Variants in MTUS1 observed in about 807,000 individuals in gnomAD.
MTUS1 encodes the protein microtubule associated scaffold protein 1.
MTUS1 carries 109 observed loss-of-function variants against 120.8 expected under a neutral mutation model. The observed-to-expected ratio is 0.90, with a 90% CI of 0.77 to 1.06. MTUS1 has a LOEUF of 1.06. MTUS1 is among the 50% of genes least tolerant of loss of function. The pLI, the probability that MTUS1 is intolerant of heterozygous loss-of-function variation, is 0.00. For synonymous variants in MTUS1, 737 were observed against 550.5 expected (o/e 1.34, Z -4.74); for missense variants, 2,210 against 1,486.3 (o/e 1.49, Z -8.01).
At chr8:17,722,694 AT>A in intron 4 of MTUS1, 1 of 317,016 alleles carries the variant, frequency 3.2e-6, no homozygotes, top group Non-Finnish European at 4.6e-6. Context: ...CTGCTGTGTG[AT>A]TTTAGACCAG....
At chr8:17,649,753 G>A (rs1695898320) in intron 13 of MTUS1, 93 bp downstream of exon 13, 2 of 726,374 alleles carry the variant, frequency 2.8e-6, no homozygotes, top group African/African-American at 3.5e-5. Context: ...TTTAGGAGCA[G>A]TTAACCCAAC....
rs778942625 is a variant in MTUS1, at chr8:17,755,463, T to C, written c.345A>G (p.Lys115=). ...CPALVGTEKP[K]YLQHSCHSLE... ...GGGAATGACAACTGTGTTGCAGATATTTGGGCTTCTCAGTACCTACAAGTG... is the reference window on the plus strand; with the variant it reads ...GGGAATGACAACTGTGTTGCAGATACTTGGGCTTCTCAGTACCTACAAGTG... Residue 115 remains lysine, a synonymous_variant, in exon 2 of 15, where the codon AAA becomes AAG. Transcript: ENST00000693296. 6 of 1,614,170 alleles carry C rather than the reference T, an allele frequency of 3.7e-6. No individual in the cohort carries two copies. The highest frequency in any genetic ancestry group is 4.2e-6 in the Non-Finnish European group (5 of 1,180,000).
rs150374461 is a variant in MTUS1 at position 17,655,877 on chromosome 8, G to C, written c.3094C>G (p.Gln1032Glu). The change falls in exon 9 of 15, where the codon CAA becomes GAA. Residue 1032 changes from glutamine (Q) to glutamate (E), a missense_variant. Gln to Glu is a conservative substitution (Grantham distance 29). Transcript: ENST00000693296. ...AAAGCACAGACCTGCTCTTGCAATTGCATTTTGTACTTCTCTGCTTCTTCA... is the reference window on the plus strand; with the variant it reads ...AAAGCACAGACCTGCTCTTGCAATTCCATTTTGTACTTCTCTGCTTCTTCA... Reference protein sequence around the residue: ...YIEEAEKYKMQLQEQFDNLNA... With the variant: ...YIEEAEKYKMELQEQFDNLNA... The C allele has an allele frequency of 1.7e-4, 281 of 1,614,180 alleles. 1 individual carries two copies. The African/African-American group carries it at 3.2e-3, about 18-fold the overall frequency.
intron 1 of MTUS1, among the ~76,000 whole-genome samples, chr8:17,765,411 C>A (rs948821717): frequency 6.6e-6 from 1 of 152,040 alleles, no homozygotes; most frequent in East Asian, 1.9e-4. Context: ...GGCAGATAAC[C>A]TGAGGTCAGG....
In MTUS1 at chr8:17,676,439, A is replaced by C. The variant is rs142938866; in HGVS notation, c.2839-1187T>G. ...TGTCTACATTCAAAGCTCTAGCAGG[A>C]GGCGCGCCATTGGCCCTCGGGCGTC... On this transcript the variant is annotated intron_variant, in intron 7 of 14. Coordinates refer to ENST00000693296, the MANE Select transcript of MTUS1 (RefSeq NM_001363059.2). 1.7e-4 allele frequency: 115 copies of C among 662,546 alleles called. No homozygotes were observed. In the African/African-American group the frequency reaches 1.9e-3, roughly 11 times the overall value. 41.0% of individuals were successfully genotyped at this position (662,546 alleles called of 1,614,324 possible).
intron 7 of MTUS1, chr8:17,676,045 T>TA: frequency 1.8e-6 from 1 of 559,924 alleles, no homozygotes; most frequent in Non-Finnish European, 3.2e-6. Context: ...CACCAGGGAG[T>TA]AACTAAAAAA....
chr8:17,685,421 T>C (rs558064170), intron 6 of MTUS1, among the ~76,000 whole-genome samples: 21 of 146,998 alleles, frequency 1.4e-4, no homozygotes, highest in African/African-American at 4.8e-4. Flanking sequence ...GTTCTTGAAA[T>C]AAACAAGCCA....
intron 6 of MTUS1, among the ~76,000 whole-genome samples, chr8:17,701,722 TG>T (rs1819129945): frequency 6.6e-6 from 1 of 152,068 alleles, no homozygotes; most frequent in Non-Finnish European, 1.5e-5. Context: ...TAATTTTTTT[TG>T]TATTTTTAGT....
intron 8 of MTUS1, among the ~76,000 whole-genome samples, chr8:17,658,517 T>G (rs548843151): frequency 2.0e-5 from 3 of 152,312 alleles, no homozygotes; most frequent in African/African-American, 7.2e-5. Context: ...CACCGATGTG[T>G]AAATACAGGC....
chr8:17,797,124 T>C (rs2052306192), intron 1 of MTUS1, among the ~76,000 whole-genome samples: 1 of 151,822 alleles, frequency 6.6e-6, no homozygotes, highest in Non-Finnish European at 1.5e-5. Context: ...TCAAAATAAA[T>C]TTTTAGGCTG....
chr8:17,703,407 G>GC (rs1201903690), intron 6 of MTUS1, among the ~76,000 whole-genome samples: 1 of 152,092 alleles, frequency 6.6e-6, no homozygotes, highest in African/African-American at 2.4e-5. Flanking sequence ...GCTGTGGCGG[G>GC]CAGATCACGA....
chr8:17,735,599 C>G (rs943571558), intron 3 of MTUS1, among the ~76,000 whole-genome samples: 3 of 152,174 alleles, frequency 2.0e-5, no homozygotes, highest in African/African-American at 7.2e-5. Context: ...CTCAGCAACC[C>G]CAGCAGCCTC....
intron 3 of MTUS1, among the ~76,000 whole-genome samples, chr8:17,731,027 G>A (rs2046539533): frequency 6.6e-6 from 1 of 152,160 alleles, no homozygotes; most frequent in African/African-American, 2.4e-5. Context: ...TGTGCAACTA[G>A]TTGGAGTAAG....
At chr8:17,681,794 A>C (rs2410496) in intron 7 of MTUS1, 60,166 of 154,508 alleles carry the variant, frequency 0.39, 13,298 homozygotes, top group Middle Eastern at 0.52. Flanking sequence ...AGACTCCCCA[A>C]AACAAAATAA....
At chr8:17,657,519 G>A (rs528702194) in intron 8 of MTUS1, among the ~76,000 whole-genome samples, 194 of 149,082 alleles carry the variant, frequency 1.3e-3, no homozygotes, top group African/African-American at 4.6e-3. Flanking sequence ...AGTGAGCCGA[G>A]ATCCCGCCAC....
At chr8:17,653,361 C>G in intron 11 of MTUS1, 64 bp downstream of exon 11, 2 of 1,533,102 alleles carry the variant, frequency 1.3e-6, no homozygotes, top group Admixed American at 4.0e-5. Context: ...AACATTAAAA[C>G]CAAACAAAAT....
intron 1 of MTUS1, among the ~76,000 whole-genome samples, chr8:17,788,232 G>A (rs2051472335): frequency 6.6e-6 from 1 of 152,158 alleles, no homozygotes; most frequent in African/African-American, 2.4e-5. Context: ...CTTAAGCCAG[G>A]TGCACTGCAT....
At chr8:17,797,793 C>G (rs1393197592) in intron 1 of MTUS1, among the ~76,000 whole-genome samples, 1 of 152,198 alleles carries the variant, frequency 6.6e-6, no homozygotes, top group Non-Finnish European at 1.5e-5. Context: ...CTCTTACGCT[C>G]TAAGCTTGGG....
chr8:17,792,253 G>C (rs2051849829), intron 1 of MTUS1, among the ~76,000 whole-genome samples: 1 of 152,114 alleles, frequency 6.6e-6, no homozygotes, highest in Non-Finnish European at 1.5e-5. Flanking sequence ...GAGAAGAAAA[G>C]CAGTCCCTAG....
Sources: allele counts gnomAD v4.1 joint callset (sites outside exome capture counted in the v4.1 genomes callset), GRCh38; gene constraint gnomAD v4.1.1; transcripts MANE v1.5; gene names NCBI Gene and HGNC (gene_info 2026-07-23, HGNC 2026-07-21).